The following CARHSP1 variants were observed in gnomAD, a reference collection of about 807,000 sequenced individuals.
The protein encoded by CARHSP1 is calcium regulated heat stable protein 1.
A neutral mutation model predicts 12.5 loss-of-function variants in CARHSP1; 14 were observed. The ratio of observed to expected loss-of-function variants is 1.12; its 90% CI spans 0.74 to 1.75. CARHSP1 has a LOEUF of 1.75. Among genes scored for constraint, CARHSP1 ranks in the 40% most tolerant of loss-of-function variants. CARHSP1 has a pLI of 0.00. For synonymous variants in CARHSP1, 161 were observed against 82.0 expected (o/e 1.96, Z -5.20); for missense variants, 343 against 201.6 (o/e 1.70, Z -4.25).
chr16:8,855,474 CCACCA>C, intron 3 of CARHSP1, 148 bp from the exon 4 acceptor site: 1 of 632,620 alleles, frequency 1.6e-6, no homozygotes, highest in Non-Finnish European at 2.4e-6. Context: ...AACTGCCCCT[CCACCA>C]GAGGGAGCTG....
intron 1 of CARHSP1, among the ~76,000 whole-genome samples, chr16:8,862,598 G>C (rs1359404906): frequency 1.3e-5 from 2 of 152,198 alleles, no homozygotes; most frequent in East Asian, 3.8e-4. Flanking sequence ...ACGCTAATCA[G>C]GGTGCCTGCA....
At position 8,855,091 on chromosome 16, in the gene CARHSP1, A is replaced by C. The variant is rs1310361126; in HGVS notation, c.*73T>G. 7.5e-7 allele frequency: 1 copy of C among 1,329,336 alleles called. No homozygotes were observed. The allele number at this position is 1,329,336 out of a possible 1,614,324, so 82.3% of individuals were successfully genotyped here. On this transcript the variant is annotated 3_prime_UTR_variant, in exon 4 of 4. Coordinates refer to ENST00000311052, the MANE Select transcript of CARHSP1 (RefSeq NM_014316.4). The stretch of plus-strand genomic sequence containing the variant: ...GCCCCGTCTCGTGTGGAAGAATGTC[A>C]TCTCCAGTGTCTGCTGCCTCCTCCC...
intron 1 of CARHSP1, chr16:8,866,608 T>A (rs2061459877): frequency 8.7e-6 from 2 of 229,320 alleles, no homozygotes. Flanking sequence ...GAGCCAGAGG[T>A]TGACGCAGCA....
At chr16:8,860,550 C>T (rs567923659) in intron 1 of CARHSP1, 1 of 984,508 alleles carries the variant, frequency 1.0e-6, no homozygotes, top group Non-Finnish European at 1.2e-6. Flanking sequence ...AGTCCTTTCC[C>T]ATCTCTGGGC....
chr16:8,861,889 G>T, intron 1 of CARHSP1: 1 of 1,028,850 alleles, frequency 9.7e-7, no homozygotes, highest in Non-Finnish European at 1.2e-6. Context: ...GACAGCAGAT[G>T]GGAGCAGTGG....
At chr16:8,866,768 G>A (rs2061462653) in intron 1 of CARHSP1, among the ~76,000 whole-genome samples, 1 of 151,724 alleles carries the variant, frequency 6.6e-6, no homozygotes, top group South Asian at 2.1e-4. Flanking sequence ...AAAGGGGAGG[G>A]GGCAGCCAGG....
At chr16:8,860,184 C>T in intron 1 of CARHSP1, 1 of 985,474 alleles carries the variant, frequency 1.0e-6, no homozygotes. Flanking sequence ...CCCTGAGCAG[C>T]TGTCACAAGC....
intron 1 of CARHSP1, chr16:8,868,239 C>G (rs959303564): frequency 1.3e-5 from 2 of 152,246 alleles, no homozygotes; most frequent in Non-Finnish European, 2.9e-5. Context: ...CCCCAGCACA[C>G]ACATCCACTC....
intron 1 of CARHSP1, chr16:8,860,087 G>A: frequency 2.1e-6 from 2 of 962,716 alleles, no homozygotes; most frequent in Non-Finnish European, 2.5e-6. Context: ...CCACAGGGAA[G>A]CAGGGGCAAA....
Position 8,858,415 on chromosome 16 carries a change from C to T in CARHSP1, c.216G>A (p.Arg72=). Residue 72 remains arginine, a synonymous_variant, in exon 3 of 4, where the codon CGG becomes CGA. Transcript: ENST00000311052. The stretch of plus-strand genomic sequence containing the variant: ...GAGTAATGAAGCCATGGCCCTTGGA[C>T]CGGCAGAAGCATTTGCAGACTCCTT... ...VYKGVCKCFC[R]SKGHGFITPA... 1 of 1,614,064 alleles carries T rather than the reference C, an allele frequency of 6.2e-7. No individual in the cohort carries two copies. The highest frequency in any genetic ancestry group is 8.5e-7 in the Non-Finnish European group (1 of 1,180,024).
chr16:8,857,222 C>T (rs2061146914), intron 3 of CARHSP1, among the ~76,000 whole-genome samples: 1 of 149,008 alleles, frequency 6.7e-6, no homozygotes, highest in Non-Finnish European at 1.5e-5. Flanking sequence ...CCCCCAGATC[C>T]ATTTCCATCA....
At chr16:8,859,536 C>G (rs533146945) in intron 1 of CARHSP1, among the ~76,000 whole-genome samples, 3 of 151,784 alleles carry the variant, frequency 2.0e-5, no homozygotes, top group African/African-American at 7.3e-5. Context: ...GGGGCCCCCT[C>G]GATCATAGCT....
intron 3 of CARHSP1, among the ~76,000 whole-genome samples, chr16:8,857,204 G>A (rs1163444396): frequency 6.9e-6 from 1 of 145,080 alleles, no homozygotes; most frequent in East Asian, 2.1e-4. Context: ...CACAAGCATA[G>A]TCGGGCACCC....
chr16:8,855,322 C>A lies in CARHSP1; in HGVS notation c.286G>T (p.Glu96Ter). The change falls in exon 4 of 4, where the codon GAA becomes TAA. Residue 96 changes from glutamate to a stop codon, truncating the protein, a stop_gained. Transcript: ENST00000311052. LOFTEE classifies it high-confidence loss of function. ...CCTTCCACTGGGACATACTCCCCTT[C>A]CACACTACGGGGGCATAAATAAAGC... is the stretch of plus-strand genomic sequence containing the variant. ...PDIFLHISDVEGEYVPVEGDE... is the reference protein window; with the variant it reads ...PDIFLHISDV The A allele has an allele frequency of 6.3e-7, 1 of 1,598,160 alleles. No individual in the cohort carries two copies. The highest frequency in any genetic ancestry group is 8.5e-7 in the Non-Finnish European group (1 of 1,170,566).
chr16:8,861,335 T>G (rs1596540373), intron 1 of CARHSP1, among the ~76,000 whole-genome samples: 1 of 151,406 alleles, frequency 6.6e-6, no homozygotes, highest in South Asian at 2.1e-4. Flanking sequence ...ATCTTAAACA[T>G]CCCAGGGGGT....
intron 3 of CARHSP1, 125 bp downstream of exon 3, chr16:8,858,225 G>A: frequency 8.5e-7 from 1 of 1,176,648 alleles, no homozygotes; most frequent in African/African-American, 1.5e-5. Context: ...CACAGGCAGA[G>A]TCACACAGGC....
chr16:8,857,564 C>CTACAGG (rs2061180110), intron 3 of CARHSP1: 1 of 142,754 alleles, frequency 7.0e-6, no homozygotes, highest in Non-Finnish European at 1.5e-5. Context: ...AGTGCTGGGA[C>CTACAGG]TACAGGTGTG....
intron 1 of CARHSP1, chr16:8,868,506 C>G (rs1052435236): frequency 6.7e-6 from 1 of 149,932 alleles, no homozygotes; most frequent in South Asian, 2.1e-4. Flanking sequence ...CCCACCTCCC[C>G]CGCCGGGCCT....
At position 8,855,611 on chromosome 16, in the gene CARHSP1, T is replaced by C. The variant is rs76026558; in HGVS notation, c.282-285A>G. On this transcript the variant is annotated intron_variant, in intron 3 of 3. Transcript: ENST00000311052. Reference sequence around the variant, plus strand: ...ACCTGTGGGTGCTCACATGGTGACATGAAATGTGGGAGGGAGCCTGGGCTT... The same window carrying C: ...ACCTGTGGGTGCTCACATGGTGACACGAAATGTGGGAGGGAGCCTGGGCTT... Among the ~76,000 whole-genome samples the C allele has an allele frequency of 1.9e-3, 289 of 152,212 alleles. 1 individual carries two copies. The highest frequency in any genetic ancestry group is 0.01 in the East Asian group (54 of 5,182).
Sources: gnomAD v4.1 joint callset for allele counts (sites outside exome capture counted in the v4.1 genomes callset) on GRCh38, gnomAD v4.1.1 for gene constraint, MANE v1.5 for transcripts, NCBI Gene and HGNC (gene_info 2026-07-23, HGNC 2026-07-21) for gene names.